The following NUP93 variants were observed in gnomAD, a reference collection of about 807,000 sequenced individuals.
The protein encoded by NUP93 is nuclear pore complex protein Nup93.
A neutral mutation model predicts 107.8 loss-of-function variants in NUP93; 55 were observed. That is an observed-to-expected ratio of 0.51 (90% CI 0.41 to 0.64). NUP93 has a LOEUF of 0.64. Ranked by LOEUF, NUP93 falls within the 30% of genes least tolerant of loss-of-function variation. The probability of loss-of-function intolerance (pLI) is 0.00; values close to 1 mark genes in which losing one functional copy is unlikely to be tolerated. For synonymous variants in NUP93, 390 were observed against 397.5 expected (o/e 0.98, Z 0.22); for missense variants, 937 against 1,044.7 (o/e 0.90, Z 1.42).
intron 3 of NUP93, among the ~76,000 whole-genome samples, chr16:56,761,511 C>A (rs1227003475): frequency 6.6e-6 from 1 of 151,552 alleles, no homozygotes; most frequent in African/African-American, 2.4e-5. Flanking sequence ...ATTCACATAC[C>A]ATAAATGTGG....
At chr16:56,775,785 C>A (rs910795032) in intron 3 of NUP93, among the ~76,000 whole-genome samples, 5 of 152,128 alleles carry the variant, frequency 3.3e-5, no homozygotes, top group Non-Finnish European at 7.4e-5. Flanking sequence ...GCGATGAAAG[C>A]CCAACCCAGT....
At position 56,788,244 on chromosome 16, in the gene NUP93, G is replaced by A. The variant is rs189550436; in HGVS notation, c.298-10232G>A. Reference sequence around the variant, plus strand: ...AGGAGAGAGAGGATGGCCAGCAGAGGCCCTTCCACCACAGCCTGGCACATC... The same window carrying A: ...AGGAGAGAGAGGATGGCCAGCAGAGACCCTTCCACCACAGCCTGGCACATC... On this transcript the variant is annotated intron_variant, in intron 3 of 21. Coordinates refer to ENST00000308159, the MANE Select transcript of NUP93 (RefSeq NM_014669.5). 2.6e-5 allele frequency among the ~76,000 whole-genome samples: 4 copies of A among 152,258 alleles called. No homozygotes were observed. The East Asian group carries it at 7.7e-4, about 29-fold the overall frequency.
chr16:56,777,884 C>T (rs1962443784), intron 3 of NUP93, among the ~76,000 whole-genome samples: 1 of 152,200 alleles, frequency 6.6e-6, no homozygotes, highest in Admixed American at 6.5e-5. Context: ...TTTAGCTCCC[C>T]TTTAAGTATA....
Position 56,841,810 on chromosome 16 carries a change from C to G in NUP93, c.2326C>G (p.Arg776Gly), listed in dbSNP as rs768650810. Residue 776 changes from arginine (R) to glycine (G), a missense_variant, in exon 21 of 22, where the codon CGA becomes GGA. Coordinates refer to ENST00000308159, the MANE Select transcript of NUP93 (RefSeq NM_014669.5). ...TCCATCCTCGTCATCCAGGCCCCAGCGAGTCATCGAGGACCGCGACTCTGT... is the reference window on the plus strand; with the variant it reads ...TCCATCCTCGTCATCCAGGCCCCAGGGAGTCATCGAGGACCGCGACTCTGT... Reference protein sequence around the residue: ...TSPSSSSRPQRVIEDRDSQLR... With the variant: ...TSPSSSSRPQGVIEDRDSQLR... The G allele has an allele frequency of 1.2e-6, 2 of 1,614,144 alleles. No individual in the cohort carries two copies. The highest frequency in any genetic ancestry group is 1.7e-5 in the Admixed American group (1 of 60,028).
At chr16:56,779,068 C>T (rs1962466556) in intron 3 of NUP93, among the ~76,000 whole-genome samples, 1 of 152,148 alleles carries the variant, frequency 6.6e-6, no homozygotes, top group African/African-American at 2.4e-5. Flanking sequence ...CTCAGCCTCA[C>T]CTGGCTTCCT....
chr16:56,830,417 G>A, intron 9 of NUP93, 111 bp from the exon 10 acceptor site: 1 of 1,060,198 alleles, frequency 9.4e-7, no homozygotes, highest in African/African-American at 1.6e-5. Flanking sequence ...GAGCTGTTCT[G>A]AAGATTAAGT....
At chr16:56,785,274 T>A (rs1388349955) in intron 3 of NUP93, among the ~76,000 whole-genome samples, 1 of 152,184 alleles carries the variant, frequency 6.6e-6, no homozygotes, top group Non-Finnish European at 1.5e-5. Context: ...AAGATCCTGG[T>A]CTTTTTTCCT....
At chr16:56,771,661 C>A (rs1194731241) in intron 3 of NUP93, among the ~76,000 whole-genome samples, 1 of 152,162 alleles carries the variant, frequency 6.6e-6, no homozygotes, top group Non-Finnish European at 1.5e-5. Flanking sequence ...GCGTGATTGG[C>A]TTCTGTGGAC....
intron 4 of NUP93, among the ~76,000 whole-genome samples, chr16:56,800,480 G>C (rs1386541622): frequency 2.6e-5 from 4 of 152,204 alleles, no homozygotes; most frequent in Non-Finnish European, 4.4e-5. Context: ...TAAATGTGCA[G>C]CCAGCCAAAA....
intron 8 of NUP93, among the ~76,000 whole-genome samples, chr16:56,828,284 T>C (rs1963710442): frequency 6.6e-6 from 1 of 151,956 alleles, no homozygotes; most frequent in African/African-American, 2.4e-5. Context: ...GGAAAGTGGC[T>C]TGACAATTAT....
In NUP93 at chr16:56,836,955, A is replaced by C. The variant is rs118003139; in HGVS notation, c.1899+238A>C. Among the ~76,000 whole-genome samples, 2,038 of 152,346 alleles carry C rather than the reference A, an allele frequency of 0.013. 20 individuals carry two copies. Among genetic ancestry groups the C allele is most frequent in the Non-Finnish European group, 0.022 (1,522 of 68,018 alleles). On this transcript the variant is annotated intron_variant, in intron 17 of 21. Transcript: ENST00000308159. ...TTGAAAGGATGTCCTGCAGGCATTG[A>C]ACTGTTGTCTCACTTGGCAGCAGAA...
intron 3 of NUP93, among the ~76,000 whole-genome samples, chr16:56,796,148 C>T (rs950420428): frequency 3.3e-5 from 5 of 152,172 alleles, no homozygotes; most frequent in African/African-American, 1.2e-4. Flanking sequence ...CGACCTGCCT[C>T]CCCCACCTTC....
intron 1 of NUP93, among the ~76,000 whole-genome samples, chr16:56,739,786 G>T (rs1961684378): frequency 1.0e-5 from 1 of 97,084 alleles, no homozygotes; most frequent in Non-Finnish European, 2.0e-5. Context: ...TCACTTCCCA[G>T]TAGGGGCGGC....
chr16:56,735,154 G>T (rs1473336457), intron 1 of NUP93, among the ~76,000 whole-genome samples: 1 of 152,232 alleles, frequency 6.6e-6, no homozygotes, highest in Non-Finnish European at 1.5e-5. Flanking sequence ...TATTGAGGAA[G>T]ACCATTTGGT....
Position 56,834,445 on chromosome 16 carries a change from G to A in NUP93, c.1737+3G>A. ...AGCTTGTGATTGAAAGCCGAGAGGT[G>A]AGTGGGTTTCCTTTTCTCTCCTCCC... On this transcript the variant is annotated splice_donor_region_variant and intron_variant, in intron 15 of 21. Transcript: ENST00000308159. 1 of 1,614,120 alleles carries A rather than the reference G, an allele frequency of 6.2e-7. No homozygotes were observed.
intron 5 of NUP93, among the ~76,000 whole-genome samples, chr16:56,806,431 C>T (rs573445952): frequency 1.3e-5 from 2 of 152,166 alleles, no homozygotes; most frequent in African/African-American, 4.8e-5. Context: ...TGCCGTGTAA[C>T]AGATTACTCC....
chr16:56,748,166 A>T, intron 1 of NUP93, 68 bp from the exon 2 acceptor site: 1 of 1,082,622 alleles, frequency 9.2e-7, no homozygotes, highest in South Asian at 1.5e-5. Context: ...AGCTTGTAAC[A>T]GATTCAGGCA....
At chr16:56,807,013 C>T (rs1272318135) in intron 5 of NUP93, among the ~76,000 whole-genome samples, 1 of 152,206 alleles carries the variant, frequency 6.6e-6, no homozygotes, top group Admixed American at 6.5e-5. Context: ...GCTCAGAACC[C>T]TTCAGTGACT....
At chr16:56,806,665 G>T (rs1349591602) in intron 5 of NUP93, among the ~76,000 whole-genome samples, 3 of 152,152 alleles carry the variant, frequency 2.0e-5, no homozygotes, top group African/African-American at 7.2e-5. Flanking sequence ...TCTATATTGT[G>T]CTGCTCACAA....
Sources: allele counts gnomAD v4.1 joint callset (sites outside exome capture counted in the v4.1 genomes callset), GRCh38; gene constraint gnomAD v4.1.1; transcripts MANE v1.5; gene names NCBI Gene and HGNC (gene_info 2026-07-23, HGNC 2026-07-21).